PPARGC1A: variants seen among roughly 807,000 people sequenced by gnomAD.
The protein encoded by PPARGC1A is peroxisome proliferator-activated receptor gamma coactivator 1-alpha.
Under a neutral mutation model 88.7 loss-of-function variants are expected in PPARGC1A, and 25 were observed. The ratio of observed to expected loss-of-function variants is 0.28; its 90% confidence interval spans 0.21 to 0.39. The LOEUF is 0.39. Among genes scored for constraint, PPARGC1A ranks in the 10% least tolerant of loss-of-function variants. The probability of loss-of-function intolerance (pLI) is 1.00; values close to 1 mark genes in which losing one functional copy is unlikely to be tolerated. For missense variants in PPARGC1A, 880 were observed against 968.7 expected (o/e 0.91, Z 1.22); for synonymous variants, 363 against 355.6 (o/e 1.02, Z -0.24).
the PPARGC1A span, among the ~76,000 whole-genome samples, chr4:24,031,369 C>T: frequency 1.3e-5 from 2 of 152,162 alleles, no homozygotes; most frequent in African/African-American, 2.4e-5. Flanking sequence ...CATGACACCT[C>T]ACCTTTGTTC....
At chr4:24,059,265 C>A in the PPARGC1A span, among the ~76,000 whole-genome samples, 1 of 152,184 alleles carries the variant, frequency 6.6e-6, no homozygotes, top group Admixed American at 6.5e-5. Context: ...AGAACAGCAT[C>A]TGGCCTCACC....
the PPARGC1A span, among the ~76,000 whole-genome samples, chr4:24,303,913 G>A: frequency 6.6e-6 from 1 of 152,204 alleles, no homozygotes; most frequent in Non-Finnish European, 1.5e-5. Context: ...ATGGCAGAAA[G>A]AGGGAAAAAT....
chr4:23,835,611 T>C (rs1267622641), intron 2 of PPARGC1A, among the ~76,000 whole-genome samples: 1 of 152,136 alleles, frequency 6.6e-6, no homozygotes, highest in Non-Finnish European at 1.5e-5. Flanking sequence ...TTCGATATTA[T>C]TGTTATCTCT....
intron 2 of PPARGC1A, chr4:23,881,748 G>C (rs1715983048): frequency 6.6e-6 from 1 of 152,104 alleles, no homozygotes; most frequent in Non-Finnish European, 1.5e-5. Flanking sequence ...TCAGATCAGA[G>C]ACAGCAGAGC....
At chr4:24,400,590 C>T in the PPARGC1A span, among the ~76,000 whole-genome samples, 11 of 152,322 alleles carry the variant, frequency 7.2e-5, no homozygotes, top group South Asian at 2.3e-3. Flanking sequence ...AGAACCCTGA[C>T]TAATACAACA....
the PPARGC1A span, among the ~76,000 whole-genome samples, chr4:24,403,429 G>T: frequency 9.9e-5 from 15 of 152,220 alleles, no homozygotes; most frequent in Non-Finnish European, 2.1e-4. Context: ...CGTACTCGCA[G>T]CCACCTTCTC....
the PPARGC1A span, among the ~76,000 whole-genome samples, chr4:24,447,221 AAAC>A: frequency 2.0e-5 from 3 of 152,170 alleles, no homozygotes; most frequent in Admixed American, 1.3e-4. Context: ...GCTCTTCACA[AAAC>A]AACAACAATT....
chr4:24,249,764 G>C, the PPARGC1A span, among the ~76,000 whole-genome samples: 1 of 152,172 alleles, frequency 6.6e-6, no homozygotes, highest in Non-Finnish European at 1.5e-5. Context: ...AGCCAAGTGT[G>C]TGTGACTTTG....
At chr4:24,039,117 T>C in the PPARGC1A span, among the ~76,000 whole-genome samples, 4 of 152,346 alleles carry the variant, frequency 2.6e-5, no homozygotes, top group East Asian at 7.7e-4. Context: ...CCCAAAGCTT[T>C]AATGTTCCCT....
chr4:24,288,984 G>T, the PPARGC1A span, among the ~76,000 whole-genome samples: 300 of 152,264 alleles, frequency 2.0e-3, 1 homozygote, highest in African/African-American at 6.8e-3. Flanking sequence ...CACTTTGGGA[G>T]GCCAAGGTGG....
the PPARGC1A span, among the ~76,000 whole-genome samples, chr4:24,340,741 G>A: frequency 6.4e-4 from 97 of 152,132 alleles, no homozygotes; most frequent in African/African-American, 2.2e-3. Context: ...AGATGGGAAC[G>A]CAGTGGGCTG....
chr4:24,452,979 G>C, the PPARGC1A span, among the ~76,000 whole-genome samples: 1 of 152,310 alleles, frequency 6.6e-6, no homozygotes, highest in Non-Finnish European at 1.5e-5. Flanking sequence ...GAATGTGACT[G>C]CATTTGGAGA....
the PPARGC1A span, among the ~76,000 whole-genome samples, chr4:24,398,507 T>A: frequency 6.6e-6 from 1 of 152,246 alleles, no homozygotes; most frequent in Non-Finnish European, 1.5e-5. Context: ...TTGGGATTAG[T>A]CTGTAATTTT....
the PPARGC1A span, among the ~76,000 whole-genome samples, chr4:24,396,438 A>G: frequency 6.6e-6 from 1 of 152,102 alleles, no homozygotes; most frequent in Non-Finnish European, 1.5e-5. Context: ...GTCCAGCACT[A>G]AAGTACTCCC....
At chr4:23,919,889 G>A in the PPARGC1A span, among the ~76,000 whole-genome samples, 1 of 152,194 alleles carries the variant, frequency 6.6e-6, no homozygotes, top group Non-Finnish European at 1.5e-5. Flanking sequence ...AGCCAGTGCA[G>A]TAAGGTTCTT....
At chr4:24,377,382 G>A in the PPARGC1A span, among the ~76,000 whole-genome samples, 1 of 151,936 alleles carries the variant, frequency 6.6e-6, no homozygotes, top group Admixed American at 6.6e-5. Flanking sequence ...TAAATAAATA[G>A]AAAATATTTC....
chr4:24,361,176 G>C, the PPARGC1A span, among the ~76,000 whole-genome samples: 4 of 152,170 alleles, frequency 2.6e-5, no homozygotes, highest in African/African-American at 9.6e-5. Context: ...AGAGGACAGG[G>C]AAGGAGTCAG....
chr4:23,952,662 A>T, the PPARGC1A span, among the ~76,000 whole-genome samples: 1 of 152,092 alleles, frequency 6.6e-6, no homozygotes. Flanking sequence ...TAAATTTTGT[A>T]AAAAGAATAT....
At chr4:24,329,622 T>C in the PPARGC1A span, among the ~76,000 whole-genome samples, 3 of 152,188 alleles carry the variant, frequency 2.0e-5, no homozygotes, top group Admixed American at 6.5e-5. Flanking sequence ...GGCAAGCTCC[T>C]CCATTATGAT....
Sources: allele counts gnomAD v4.1 joint callset (sites outside exome capture counted in the v4.1 genomes callset), GRCh38; gene constraint gnomAD v4.1.1; transcripts MANE v1.5; gene names NCBI Gene and HGNC (gene_info 2026-07-23, HGNC 2026-07-21).